Variants in ZC3HC1 observed in about 807,000 individuals in gnomAD.
ZC3HC1 encodes the protein zinc finger C3HC-type protein 1.
ZC3HC1 carries 38 observed loss-of-function variants against 61.9 expected under a neutral mutation model. The ratio of observed to expected loss-of-function variants is 0.61; its 90% confidence interval spans 0.47 to 0.81. ZC3HC1 has a LOEUF of 0.81. ZC3HC1 is among the 30% of genes least tolerant of loss of function. ZC3HC1 has a pLI of 0.00. For synonymous variants in ZC3HC1, 213 were observed against 229.9 expected (o/e 0.93, Z 0.67); for missense variants, 554 against 622.7 (o/e 0.89, Z 1.17).
chr7:130,047,048 C>T (rs1051635239), intron 2 of ZC3HC1, among the ~76,000 whole-genome samples: 2 of 151,330 alleles, frequency 1.3e-5, no homozygotes, highest in African/African-American at 4.8e-5. Context: ...CTGCAACCTC[C>T]GCCTCCCAGG....
Position 130,042,160 on chromosome 7 carries a change from G to GCA in ZC3HC1, c.259-1060_259-1059insTG, listed in dbSNP as rs1329260800. Among the ~76,000 whole-genome samples the GCA allele has an allele frequency of 3.3e-5, 5 of 151,874 alleles. No homozygotes were observed. In the East Asian group the frequency reaches 7.9e-4, roughly 24 times the overall value. On this transcript the variant is annotated intron_variant, in intron 2 of 9. Transcript: ENST00000358303. ...TCTATTGAAAATCAAAAAATTAGCGGGATGTGGTGGTGCATGCCTGTAGTC... is the reference window on the plus strand; with the variant it reads ...TCTATTGAAAATCAAAAAATTAGCGGCAGATGTGGTGGTGCATGCCTGTAGTC...
chr7:130,025,166 A>C (rs1284175740), intron 6 of ZC3HC1, among the ~76,000 whole-genome samples: 1 of 151,076 alleles, frequency 6.6e-6, no homozygotes, highest in South Asian at 2.1e-4. Flanking sequence ...TTGGCCTCCC[A>C]AAGTGCTGGG....
intron 4 of ZC3HC1, among the ~76,000 whole-genome samples, chr7:130,036,384 G>T (rs1161052861): frequency 6.6e-6 from 1 of 151,938 alleles, no homozygotes; most frequent in African/African-American, 2.4e-5. Flanking sequence ...GCTGAGGCAG[G>T]AGAATCGCTT....
At chr7:130,046,594 G>A (rs1316574595) in intron 2 of ZC3HC1, among the ~76,000 whole-genome samples, 4 of 148,154 alleles carry the variant, frequency 2.7e-5, no homozygotes, top group East Asian at 2.0e-4. Context: ...ATGACAGAAT[G>A]AGACTCCATC....
intron 2 of ZC3HC1, among the ~76,000 whole-genome samples, chr7:130,046,739 A>G (rs1346313029): frequency 1.3e-5 from 2 of 152,214 alleles, no homozygotes; most frequent in Non-Finnish European, 2.9e-5. Flanking sequence ...TTCGTGAAAC[A>G]TGCAATGTGA....
chr7:130,036,454 C>G (rs980963356), intron 4 of ZC3HC1, among the ~76,000 whole-genome samples: 3 of 151,728 alleles, frequency 2.0e-5, no homozygotes, highest in African/African-American at 7.3e-5. Flanking sequence ...TCCAGCTACT[C>G]GGAAGGCTGA....
Position 130,024,403 on chromosome 7 carries a change from G to C in ZC3HC1, c.880C>G (p.Leu294Val), listed in dbSNP as rs773495049. ...CTGGTCAGGCCAAAGGATGCATCCA[G>C]GTCAGTCATGGACGATTCAATCTGC... ...FQQIESSMTD[L>V]DASFGLTSSP... The change falls in exon 7 of 10, where the codon CTG becomes GTG. Residue 294 changes from leucine to valine, a missense_variant. By Grantham distance (32) the Leu-to-Val change is conservative. Coordinates refer to ENST00000358303, the MANE Select transcript of ZC3HC1 (RefSeq NM_016478.5). 1.9e-6 allele frequency: 3 copies of C among 1,614,126 alleles called. No homozygotes were observed. The highest frequency in any genetic ancestry group is 1.1e-5 in the South Asian group (1 of 91,084).
intron 1 of ZC3HC1, among the ~76,000 whole-genome samples, chr7:130,049,981 G>GA (rs199955589): frequency 0.016 from 2,402 of 150,746 alleles, 33 homozygotes; most frequent in Middle Eastern, 0.024. Flanking sequence ...GAGATTTCAT[G>GA]AAAAAAAAAT....
chr7:130,022,637 GT>G, intron 8 of ZC3HC1, 112 bp from the exon 9 acceptor site: 2 of 1,114,666 alleles, frequency 1.8e-6, no homozygotes, highest in Non-Finnish European at 2.6e-6. Context: ...TACTTCGAGT[GT>G]TTATGCTCTC....
chr7:130,051,077 T>C, intron 1 of ZC3HC1, 144 bp downstream of exon 1: 1 of 1,145,030 alleles, frequency 8.7e-7, no homozygotes, highest in Admixed American at 3.1e-5. Flanking sequence ...TCAAACATAG[T>C]AACCAGAGTT....
rs11364921 is a variant in ZC3HC1, at chr7:130,048,143, G to GTTTTT, written c.258+885_258+889dup. Among the ~76,000 whole-genome samples, 43 of 73,742 alleles carry GTTTTT rather than the reference G, an allele frequency of 5.8e-4. 1 individual carries two copies. Among genetic ancestry groups the GTTTTT allele is most frequent in the African/African-American group, 2.1e-3 (36 of 17,234 alleles). 48.4% of individuals were successfully genotyped at this position (73,742 alleles called of 152,430 possible). On this transcript the variant is annotated intron_variant, in intron 2 of 9. Coordinates refer to ENST00000358303, the MANE Select transcript of ZC3HC1 (RefSeq NM_016478.5). Reference sequence around the variant, plus strand: ...TTTGGAAGTGGACCCTTTCCTAGTTGTTTTTTTTTTTTTTTTTTTTTTTTG... The same window carrying GTTTTT: ...TTTGGAAGTGGACCCTTTCCTAGTTGTTTTTTTTTTTTTTTTTTTTTTTTTTTTTG...
chr7:130,022,421 A>G lies in ZC3HC1; in HGVS notation c.1338T>C (p.Thr446=), dbSNP rs779771416. 6.2e-7 allele frequency: 1 copy of G among 1,612,684 alleles called. No homozygotes were observed. Among genetic ancestry groups the G allele is most frequent in the South Asian group, 1.1e-5 (1 of 90,858 alleles). The part of the protein sequence containing the change: ...LGKESRENGG[T]EPDASAPAEP... ...CTGCTGGGGCGCTGGCATCTGGTTC[A>G]GTTCCACCATTCTCCCTGCTTTCTT... The change falls in exon 9 of 10, where the codon ACT becomes ACC. Residue 446 remains threonine (T), a synonymous_variant. Coordinates refer to ENST00000358303, the MANE Select transcript of ZC3HC1 (RefSeq NM_016478.5).
chr7:130,042,818 G>A (rs1019200798), intron 2 of ZC3HC1, among the ~76,000 whole-genome samples: 4 of 152,112 alleles, frequency 2.6e-5, no homozygotes, highest in African/African-American at 9.7e-5. Context: ...GAGTAGCTGG[G>A]ATTATAGGCG....
In ZC3HC1 at chr7:130,051,312, C is replaced by T. The variant is rs906761361; in HGVS notation, c.55G>A (p.Gly19Ser). The part of the protein sequence containing the change: ...AFAVGVEKNW[G>S]AVVRSPEGTP... ...CCTTCTGGGGAGCGAACTACTGCAC[C>T]CCAATTCTTTTCAACCCCTACGGCA... The change falls in exon 1 of 10, where the codon GGT becomes AGT. Residue 19 changes from glycine (G) to serine (S), a missense_variant. Gly to Ser is a moderately conservative substitution (Grantham distance 56). Transcript: ENST00000358303. 1.2e-6 allele frequency: 2 copies of T among 1,613,216 alleles called. No homozygotes were observed. Among genetic ancestry groups the T allele is most frequent in the Non-Finnish European group, 1.7e-6 (2 of 1,179,584 alleles).
intron 4 of ZC3HC1, among the ~76,000 whole-genome samples, chr7:130,031,198 G>A (rs1288192659): frequency 3.6e-4 from 54 of 151,544 alleles, no homozygotes; most frequent in South Asian, 1.3e-3. Flanking sequence ...GCATGGTGGC[G>A]CATGCCTGTA....
chr7:130,023,460 G>A lies in ZC3HC1; in HGVS notation c.1233+51C>T, dbSNP rs1329760050. 4 of 1,571,704 alleles carry A rather than the reference G, an allele frequency of 2.5e-6. No homozygotes were observed. Among genetic ancestry groups the A allele is most frequent in the East Asian group, 2.2e-5 (1 of 44,590 alleles). ...TGCTTCTCCATGCTGCCTAGGGAGG[G>A]CCCAATATGCTGTTTATGCTCAGCC... is the stretch of plus-strand genomic sequence containing the variant. On this transcript the variant is annotated intron_variant, in intron 8 of 9. Coordinates refer to ENST00000358303, the MANE Select transcript of ZC3HC1 (RefSeq NM_016478.5). The surrounding 1 kb of genome is among the most constrained non-coding windows in gnomAD (Gnocchi z 4.2).
At chr7:130,018,808 G>A in intron 9 of ZC3HC1, 76 bp from the exon 10 acceptor site, 2 of 1,337,232 alleles carry the variant, frequency 1.5e-6, no homozygotes, top group South Asian at 2.4e-5. Flanking sequence ...GTCCCACAAT[G>A]ATCTGGATAT....
chr7:130,022,031 G>A (rs1212999737), intron 9 of ZC3HC1, among the ~76,000 whole-genome samples: 2 of 152,076 alleles, frequency 1.3e-5, no homozygotes, highest in Non-Finnish European at 2.9e-5. Context: ...AATTAGCCGG[G>A]TGTGGTGGTG....
Position 130,023,752 on chromosome 7 carries a change from C to T in ZC3HC1, c.1021-29G>A, listed in dbSNP as rs148545346. The T allele has an allele frequency of 2.9e-4, 446 of 1,535,836 alleles. 3 individuals are homozygous for T. In the Middle Eastern group the frequency reaches 3.9e-3, roughly 14 times the overall value. On this transcript the variant is annotated intron_variant, in intron 7 of 9. Transcript: ENST00000358303. The surrounding 1 kb of genome is among the most constrained non-coding windows in gnomAD (Gnocchi z 4.2). ...AAGGAAAGGGGAGATAATGGAAGTA[C>T]ACGAATGATATTAATGATTATGGTC...
Sources: allele counts gnomAD v4.1 joint callset (sites outside exome capture counted in the v4.1 genomes callset), GRCh38; gene constraint gnomAD v4.1.1; non-coding constraint Gnocchi (gnomAD v3.1); transcripts MANE v1.5; gene names NCBI Gene and HGNC (gene_info 2026-07-23, HGNC 2026-07-21).